GMDS: variants seen among roughly 807,000 people sequenced by gnomAD.
GMDS encodes the protein GDP-mannose 4,6-dehydratase, also known as GDP-mannose 4,6 dehydratase.
Under a neutral mutation model 49.9 loss-of-function variants are expected in GMDS, and 20 were observed. That is an observed-to-expected ratio of 0.40 (90% CI 0.28 to 0.58). The LOEUF is 0.58. Among genes scored for constraint, GMDS ranks in the 20% least tolerant of loss-of-function variants. The probability of loss-of-function intolerance (pLI) is 0.42; values close to 1 mark genes in which losing one functional copy is unlikely to be tolerated. For missense variants in GMDS, 362 were observed against 481.4 expected (o/e 0.75, Z 2.32); for synonymous variants, 177 against 178.6 (o/e 0.99, Z 0.07).
At position 1,883,304 on chromosome 6, in the gene GMDS, T is replaced by C. The variant is rs141147387; in HGVS notation, c.771+46799A>G. Among the ~76,000 whole-genome samples the C allele has an allele frequency of 1.4e-3, 208 of 152,104 alleles. 1 individual carries two copies. Among genetic ancestry groups the C allele is most frequent in the African/African-American group, 4.6e-3 (190 of 41,498 alleles). On this transcript the variant is annotated intron_variant, in intron 7 of 10. Transcript: ENST00000380815. ...TACTCGGGAGGCTGAGGCAGGAGAATTGCTTAACCCTAGGAGGCGGAGGCT... is the reference window on the plus strand; with the variant it reads ...TACTCGGGAGGCTGAGGCAGGAGAACTGCTTAACCCTAGGAGGCGGAGGCT...
At chr6:2,124,586 A>T in intron 2 of GMDS, 101 bp downstream of exon 2, 1 of 865,682 alleles carries the variant, frequency 1.2e-6, no homozygotes, top group Non-Finnish European at 2.0e-6. Context: ...TCTGCGTTTC[A>T]GTGGAAAACA....
chr6:1,624,621 C>A (rs1762789079), intron 9 of GMDS, 81 bp from the exon 10 acceptor site: 2 of 934,112 alleles, frequency 2.1e-6, no homozygotes, highest in South Asian at 2.8e-5. Flanking sequence ...GGAACTCCCA[C>A]CGTTCCGCTC....
intron 9 of GMDS, among the ~76,000 whole-genome samples, chr6:1,650,760 GT>G (rs1481251943): frequency 6.6e-6 from 1 of 151,666 alleles, no homozygotes; most frequent in Non-Finnish European, 1.5e-5. Context: ...TGTATTTTTA[GT>G]AGAGATGGGG....
At chr6:1,768,585 A>C (rs533777264) in intron 7 of GMDS, among the ~76,000 whole-genome samples, 1 of 152,340 alleles carries the variant, frequency 6.6e-6, no homozygotes, top group African/African-American at 2.4e-5. Flanking sequence ...GAGTACCCCA[A>C]TCCAAAAATC....
At chr6:1,698,733 G>A (rs1765434359) in intron 9 of GMDS, among the ~76,000 whole-genome samples, 1 of 151,878 alleles carries the variant, frequency 6.6e-6, no homozygotes, top group Non-Finnish European at 1.5e-5. Flanking sequence ...ACCCTGGACA[G>A]AGGGCGGCCT....
At chr6:1,817,400 C>T (rs371707057) in intron 7 of GMDS, among the ~76,000 whole-genome samples, 3 of 152,174 alleles carry the variant, frequency 2.0e-5, no homozygotes, top group Non-Finnish European at 4.4e-5. Flanking sequence ...AAAGCCTATA[C>T]ATAAGACTGC....
At chr6:1,999,449 A>G (rs897333196) in intron 4 of GMDS, among the ~76,000 whole-genome samples, 4 of 152,036 alleles carry the variant, frequency 2.6e-5, no homozygotes, top group Admixed American at 1.3e-4. Flanking sequence ...CTAGAATTTC[A>G]GGTAGAAGAT....
chr6:1,827,315 A>C lies in GMDS; in HGVS notation c.772-84729T>G, dbSNP rs768281771. On this transcript the variant is annotated intron_variant, in intron 7 of 10. Transcript: ENST00000380815. ...CACACATGTTTTGGAAAACCTGTATATACACACGTTTTAGAAAACCTGTAT... is the reference window on the plus strand; with the variant it reads ...CACACATGTTTTGGAAAACCTGTATCTACACACGTTTTAGAAAACCTGTAT... 1.8e-4 allele frequency among the ~76,000 whole-genome samples: 27 copies of C among 151,758 alleles called. 1 individual carries two copies. The highest frequency in any genetic ancestry group is 8.8e-5 in the Non-Finnish European group (6 of 67,988).
chr6:1,922,312 C>T (rs768208021), intron 7 of GMDS, among the ~76,000 whole-genome samples: 5 of 152,144 alleles, frequency 3.3e-5, no homozygotes, highest in Admixed American at 6.6e-5. Context: ...TTAAGTAAGG[C>T]CTTACTAACA....
chr6:2,030,631 C>T (rs547446129), intron 4 of GMDS, among the ~76,000 whole-genome samples: 5 of 152,266 alleles, frequency 3.3e-5, no homozygotes, highest in African/African-American at 1.2e-4. Context: ...ATTTATAAGA[C>T]TCACTCTATA....
chr6:1,678,984 C>CT (rs1479894517), intron 9 of GMDS, among the ~76,000 whole-genome samples: 27 of 152,170 alleles, frequency 1.8e-4, no homozygotes, highest in Middle Eastern at 3.2e-3. Flanking sequence ...AGCAAACTGA[C>CT]TAAATGAGTC....
chr6:2,166,064 G>A (rs1363262257), intron 1 of GMDS, among the ~76,000 whole-genome samples: 2 of 152,098 alleles, frequency 1.3e-5, no homozygotes, highest in African/African-American at 4.8e-5. Flanking sequence ...CAGACTGGGC[G>A]ACCCAACAAG....
intron 10 of GMDS, 36 bp downstream of exon 10, chr6:1,624,423 GCAGCCCGGGGCCC>G: frequency 6.5e-7 from 1 of 1,531,532 alleles, no homozygotes; most frequent in Non-Finnish European, 9.0e-7. Context: ...CTGCCGCCCT[GCAGCCCGGGGCCC>G]CGCAGCGGGC....
chr6:1,975,267 T>C (rs188769967), intron 4 of GMDS, among the ~76,000 whole-genome samples: 18 of 152,238 alleles, frequency 1.2e-4, no homozygotes, highest in South Asian at 2.1e-4. Context: ...AATAAGCATA[T>C]GGGCAAGGAA....
intron 7 of GMDS, among the ~76,000 whole-genome samples, chr6:1,820,058 T>C (rs879475913): frequency 6.6e-6 from 1 of 151,928 alleles, no homozygotes; most frequent in Non-Finnish European, 1.5e-5. Context: ...CTGAAAACAA[T>C]TATTTTATGA....
At chr6:1,891,915 C>CTTGG (rs1759887711) in intron 7 of GMDS, among the ~76,000 whole-genome samples, 1 of 152,172 alleles carries the variant, frequency 6.6e-6, no homozygotes, top group Non-Finnish European at 1.5e-5. Context: ...GCCAAGGAGG[C>CTTGG]CACAGAACTC....
intron 1 of GMDS, among the ~76,000 whole-genome samples, chr6:2,190,956 G>A (rs234931): frequency 0.04 from 6,061 of 152,122 alleles, 245 homozygotes; most frequent in East Asian, 0.12. Context: ...CAGTGGCTCC[G>A]GACCCTAGCC....
intron 7 of GMDS, among the ~76,000 whole-genome samples, chr6:1,813,736 T>C (rs530447021): frequency 6.8e-4 from 104 of 152,328 alleles, no homozygotes; most frequent in Non-Finnish European, 1.1e-3. Flanking sequence ...ATAAAGCCTT[T>C]ACTGATTTGT....
chr6:2,029,595 C>A (rs944698679), intron 4 of GMDS, among the ~76,000 whole-genome samples: 1 of 152,144 alleles, frequency 6.6e-6, no homozygotes, highest in African/African-American at 2.4e-5. Context: ...AAGTGGCAAA[C>A]TTAAAAAGGC....
Sources: gnomAD v4.1 joint callset for allele counts (sites outside exome capture counted in the v4.1 genomes callset) on GRCh38, gnomAD v4.1.1 for gene constraint, MANE v1.5 for transcripts, NCBI Gene and HGNC (gene_info 2026-07-23, HGNC 2026-07-21) for gene names.